PKHD1: variants seen among roughly 807,000 people sequenced by gnomAD.
The protein encoded by PKHD1 is PKHD1 ciliary IPT domain containing fibrocystin/polyductin.
In PKHD1, 291 loss-of-function variants were observed where a neutral mutation model predicts 412.0. The ratio of observed to expected loss-of-function variants is 0.71; its 90% CI spans 0.64 to 0.78. The LOEUF is 0.78. PKHD1 is among the 30% of genes least tolerant of loss of function. The pLI, the probability that PKHD1 is intolerant of heterozygous loss-of-function variation, is 0.00. For missense variants in PKHD1, 4,825 were observed against 4,950.7 expected, an observed-to-expected ratio of 0.97 and a Z score of 0.76; for synonymous variants, 1,777 against 1,821.5, an observed-to-expected ratio of 0.98 and a Z score of 0.62.
chr6:52,029,541 T>A (rs556742474), intron 29 of PKHD1, among the ~76,000 whole-genome samples: 1 of 152,284 alleles, frequency 6.6e-6, no homozygotes, highest in African/African-American at 2.4e-5. Flanking sequence ...ATTATGAATA[T>A]CAGGAAAGAT....
intron 63 of PKHD1, among the ~76,000 whole-genome samples, chr6:51,644,930 G>A (rs1206615219): frequency 1.3e-5 from 2 of 152,186 alleles, no homozygotes; most frequent in African/African-American, 4.8e-5. Flanking sequence ...TGCCCGCCTT[G>A]GCCTCCCAAA....
chr6:51,828,229 T>G (rs1767658924), intron 52 of PKHD1, among the ~76,000 whole-genome samples: 1 of 152,110 alleles, frequency 6.6e-6, no homozygotes, highest in South Asian at 2.1e-4. Context: ...TTAGAACTCT[T>G]GATTTAAATT....
intron 60 of PKHD1, among the ~76,000 whole-genome samples, chr6:51,672,082 C>A (rs1775091952): frequency 6.6e-6 from 1 of 152,140 alleles, no homozygotes; most frequent in South Asian, 2.1e-4. Flanking sequence ...TGGACTGTTA[C>A]CCCAATCCTA....
At chr6:52,044,819 A>G (rs906441125) in intron 25 of PKHD1, 147 bp downstream of exon 25, 2 of 827,404 alleles carry the variant, frequency 2.4e-6, no homozygotes, top group African/African-American at 3.3e-5. Flanking sequence ...GTGGAGGTAG[A>G]AAAAGGACAG....
At chr6:51,845,711 C>T (rs1771028278) in intron 50 of PKHD1, among the ~76,000 whole-genome samples, 1 of 152,200 alleles carries the variant, frequency 6.6e-6, no homozygotes, top group Non-Finnish European at 1.5e-5. Context: ...GCTACTTACA[C>T]AGATGTGCAT....
Position 51,619,522 on chromosome 6 carries a change from T to TG in PKHD1, c.11786-3dup, listed in dbSNP as rs1451393969. On this transcript the variant is annotated splice_region_variant and splice_polypyrimidine_tract_variant and intron_variant, in intron 66 of 66. Coordinates refer to ENST00000371117, the MANE Select transcript of PKHD1 (RefSeq NM_138694.4). ...CCAGCATGACCTTCATTCTCATATC[T>TG]GGGGGGAAAAGAAATAGGGGAAGAA... 6.2e-7 allele frequency: 1 copy of TG among 1,612,786 alleles called. No homozygotes were observed.
At chr6:51,941,187 C>G (rs1382673232) in intron 36 of PKHD1, among the ~76,000 whole-genome samples, 1 of 149,816 alleles carries the variant, frequency 6.7e-6, no homozygotes, top group Non-Finnish European at 1.5e-5. Context: ...TCCCACAGCA[C>G]GCTTTAAAAG....
At chr6:51,848,613 G>A (rs960344949) in intron 49 of PKHD1, among the ~76,000 whole-genome samples, 1 of 152,092 alleles carries the variant, frequency 6.6e-6, no homozygotes, top group Non-Finnish European at 1.5e-5. Context: ...TGTTTTCACT[G>A]CATGAAAATT....
At chr6:52,042,124 TG>T (rs1242609107) in intron 27 of PKHD1, among the ~76,000 whole-genome samples, 3 of 152,208 alleles carry the variant, frequency 2.0e-5, no homozygotes, top group African/African-American at 7.2e-5. Context: ...GAGAAATAAG[TG>T]CAAGTTATGC....
At chr6:51,626,360 T>C (rs753606416) in intron 66 of PKHD1, among the ~76,000 whole-genome samples, 1 of 152,224 alleles carries the variant, frequency 6.6e-6, no homozygotes, top group Non-Finnish European at 1.5e-5. Flanking sequence ...AGCCATCTTG[T>C]GCTCTGCCCA....
At chr6:51,647,116 C>G (rs115801303) in intron 63 of PKHD1, among the ~76,000 whole-genome samples, 2,449 of 152,266 alleles carry the variant, frequency 0.016, 24 homozygotes, top group Non-Finnish European at 0.026. Context: ...CAAACACATT[C>G]TCCTTAACAT....
At chr6:51,796,327 T>C (rs190092804) in intron 52 of PKHD1, among the ~76,000 whole-genome samples, 1 of 152,296 alleles carries the variant, frequency 6.6e-6, no homozygotes, top group East Asian at 1.9e-4. Flanking sequence ...GGGTTGTTTG[T>C]GTTTCTCTGG....
chr6:52,047,204 G>C (rs1017330725), intron 23 of PKHD1, among the ~76,000 whole-genome samples: 6 of 152,162 alleles, frequency 3.9e-5, no homozygotes, highest in Non-Finnish European at 8.8e-5. Context: ...TCCATGAGAA[G>C]TAAAATCAAA....
At position 51,867,926 on chromosome 6, in the gene PKHD1, C is replaced by T; in HGVS notation, c.7670G>A (p.Gly2557Asp). Residue 2557 changes from glycine (G) to aspartate (D), a missense_variant, in exon 48 of 67, where the codon GGT (glycine) becomes GAT (aspartate). By Grantham distance (94) the Gly-to-Asp change is moderately conservative. Coordinates refer to ENST00000371117, the MANE Select transcript of PKHD1 (RefSeq NM_138694.4). ...SASCLVNSSF[G>D]RVVHGSACGG... ...ACAGGCACTGCCATGGACAACCCGACCAAAGCTTGAATTGACCAAACAAGA... is the reference window on the plus strand; with the variant it reads ...ACAGGCACTGCCATGGACAACCCGATCAAAGCTTGAATTGACCAAACAAGA... The T allele has an allele frequency of 6.2e-7, 1 of 1,613,290 alleles. No individual in the cohort carries two copies. Among genetic ancestry groups the T allele is most frequent in the Non-Finnish European group, 8.5e-7 (1 of 1,179,370 alleles).
chr6:51,870,396 T>A, intron 47 of PKHD1, 108 bp downstream of exon 47: 1 of 979,660 alleles, frequency 1.0e-6, no homozygotes, highest in Non-Finnish European at 1.6e-6. Flanking sequence ...ACTGATGCAA[T>A]CTTATAACTG....
rs189122294 is a variant in PKHD1, at chr6:51,874,786, C to T, written c.7351-4147G>A. Among the ~76,000 whole-genome samples the T allele has an allele frequency of 4.2e-5, 3 of 71,996 alleles. 1 individual carries two copies. The highest frequency in any genetic ancestry group is 7.7e-5 in the Non-Finnish European group (3 of 38,976). The allele number at this position is 71,996 out of a possible 152,430, so 47.2% of individuals were successfully genotyped here. A position where few individuals can be genotyped will look rare whatever the true frequency, so the allele number is the denominator to read the frequency against. On this transcript the variant is annotated intron_variant, in intron 46 of 66. Transcript: ENST00000371117. ...TACTAAAAACACAAAAAATGAGCTC[C>T]GGTCTACAGCTCCCAGCGTGAGCGA...
At position 51,830,951 on chromosome 6, in the gene PKHD1, G is replaced by A; in HGVS notation, c.8212C>T (p.Leu2738Phe). ...TCAACACCTTGCCATGTTTCAGGGA[G>A]GGACCATTTTAAAGCTGATTCAGGG... is the stretch of plus-strand genomic sequence containing the variant. ...SAPESALKWS[L>F]PETWQGVEEG... The change falls in exon 52 of 67, where the codon CTC becomes TTC. Residue 2738 changes from leucine to phenylalanine, a missense_variant. Physicochemically the swap from Leu to Phe is conservative, Grantham distance 22 (BLOSUM62 0). Transcript: ENST00000371117. 2 of 1,612,244 alleles carry A rather than the reference G, an allele frequency of 1.2e-6. No individual in the cohort carries two copies. The highest frequency in any genetic ancestry group is 1.7e-6 in the Non-Finnish European group (2 of 1,178,600).
intron 63 of PKHD1, among the ~76,000 whole-genome samples, chr6:51,643,337 A>C (rs1228685353): frequency 2.0e-5 from 3 of 152,104 alleles, no homozygotes; most frequent in Non-Finnish European, 4.4e-5. Flanking sequence ...GTTTGTCCTC[A>C]TTCCTTGGGA....
intron 21 of PKHD1, among the ~76,000 whole-genome samples, chr6:52,051,544 T>C (rs1806848691): frequency 6.6e-6 from 1 of 152,192 alleles, no homozygotes; most frequent in African/African-American, 2.4e-5. Flanking sequence ...TTCCCTCTTG[T>C]CTCCGCCCTC....
Sources: allele counts gnomAD v4.1 joint callset (sites outside exome capture counted in the v4.1 genomes callset), GRCh38; gene constraint gnomAD v4.1.1; transcripts MANE v1.5; gene names NCBI Gene and HGNC (gene_info 2026-07-23, HGNC 2026-07-21).